Variants in SSC5D observed in about 807,000 individuals in gnomAD.
SSC5D encodes the protein soluble scavenger receptor cysteine-rich domain-containing protein SSC5D.
Under a neutral mutation model 104.6 loss-of-function variants are expected in SSC5D, and 106 were observed. That is an observed-to-expected ratio of 1.01 (90% CI 0.87 to 1.19). SSC5D has a LOEUF of 1.19. SSC5D is among the 50% of genes most tolerant of loss of function. The pLI, the probability that SSC5D is intolerant of heterozygous loss-of-function variation, is 0.00. For missense variants in SSC5D, 1,993 were observed against 2,153.8 expected, an observed-to-expected ratio of 0.93 and a Z score of 1.48; for synonymous variants, 860 against 883.5, an observed-to-expected ratio of 0.97 and a Z score of 0.47.
chr19:55,493,659 G>T lies in SSC5D; in HGVS notation c.960G>T (p.Trp320Cys). 2.0e-6 allele frequency: 3 copies of T among 1,506,084 alleles called. No individual in the cohort carries two copies. The highest frequency in any genetic ancestry group is 2.6e-6 in the Non-Finnish European group (3 of 1,134,726). 93.3% of individuals were successfully genotyped at this position (1,506,084 alleles called of 1,614,324 possible). Residue 320 changes from tryptophan to cysteine, a missense_variant, in exon 7 of 14, where the codon TGG becomes TGT. Coordinates refer to ENST00000389623, the MANE Select transcript of SSC5D (RefSeq NM_001144950.2). The part of the protein sequence containing the change: ...PHGCAGRLEV[W>C]HGGRWGSVCD... ...GGTGCGCCGGCCGCCTGGAGGTCTG[G>T]CACGGGGGTCGCTGGGGGTCGGTGT...
At chr19:55,495,232 T>TATATATATATATATATATA (rs1568476922) in intron 8 of SSC5D, among the ~76,000 whole-genome samples, 3 of 41,072 alleles carry the variant, frequency 7.3e-5, no homozygotes, top group East Asian at 6.9e-4. Flanking sequence ...TATATATATA[T>TATATATATATATATATATA]ATTTTTTTTT....
Position 55,488,505 on chromosome 19 carries a change from C to G in SSC5D, c.-85C>G. ...GGGCGCCTCCAGCAGGCACTTCCCT[C>G]CCTCCCTCTCTCCCCAGCTGCCTCC... On this transcript the variant is annotated 5_prime_UTR_variant, in exon 1 of 14. Transcript: ENST00000389623. 35 of 1,195,222 alleles carry G rather than the reference C, an allele frequency of 2.9e-5. No individual in the cohort carries two copies. The highest frequency in any genetic ancestry group is 3.7e-5 in the Non-Finnish European group (31 of 827,462). 74.0% of individuals were successfully genotyped at this position (1,195,222 alleles called of 1,614,324 possible).
At chr19:55,513,206 C>T (rs1179413437) in intron 13 of SSC5D, 34 bp downstream of exon 13, 7 of 1,456,912 alleles carry the variant, frequency 4.8e-6, no homozygotes, top group South Asian at 1.5e-5. Context: ...GAGACTGGGA[C>T]GGTATTTGTC....
chr19:55,493,968 G>T, intron 7 of SSC5D, 56 bp downstream of exon 7: 1 of 516,016 alleles, frequency 1.9e-6, no homozygotes, highest in East Asian at 9.2e-5. Context: ...TTGGAGCGGA[G>T]GGGCAAGTTC....
At position 55,493,704 on chromosome 19, in the gene SSC5D, G is replaced by A. The variant is rs1469363099; in HGVS notation, c.1005G>A (p.Leu335=). The A allele has an allele frequency of 2.0e-6, 3 of 1,513,560 alleles. No individual in the cohort carries two copies. The highest frequency in any genetic ancestry group is 2.5e-5 in the East Asian group (1 of 39,554). 93.8% of individuals were successfully genotyped at this position (1,513,560 alleles called of 1,614,324 possible). The change falls in exon 7 of 14, where the codon CTG becomes CTA. Residue 335 remains leucine, a synonymous_variant. Coordinates refer to ENST00000389623, the MANE Select transcript of SSC5D (RefSeq NM_001144950.2). ...WGSVCDDAWD[L]RDAAVACREL... ...CGGTGTGTGACGACGCCTGGGACCT[G>A]CGAGACGCCGCTGTGGCCTGCCGAG...
rs1987944034 is a variant in SSC5D, at chr19:55,518,430, C to A, written c.4154C>A (p.Pro1385His). 1 of 1,551,368 alleles carries A rather than the reference C, an allele frequency of 6.4e-7. No individual in the cohort carries two copies. Among genetic ancestry groups the A allele is most frequent in the East Asian group, 2.4e-5 (1 of 40,882 alleles). Reference sequence around the variant, plus strand: ...ACATCCCAGATACCCACCTTAGAGCCCTCTCCAGCCTTGGAGTCCAGCCCC... The same window carrying A: ...ACATCCCAGATACCCACCTTAGAGCACTCTCCAGCCTTGGAGTCCAGCCCC... Reference protein sequence around the residue: ...TSTSQIPTLEPSPALESSPSR... With the variant: ...TSTSQIPTLEHSPALESSPSR... Residue 1385 changes from proline (P) to histidine (H), a missense_variant, in exon 14 of 14, where the codon CCC (proline) becomes CAC (histidine). Transcript: ENST00000389623.
At chr19:55,501,253 G>A (rs1037291314) in intron 12 of SSC5D, 52 bp downstream of exon 12, 7 of 1,462,132 alleles carry the variant, frequency 4.8e-6, no homozygotes, top group African/African-American at 4.3e-5. Context: ...ACCTCCATTC[G>A]CTTCCCTGCA....
intron 6 of SSC5D, 58 bp downstream of exon 6, chr19:55,491,138 G>A (rs1439844018): frequency 1.3e-6 from 2 of 1,496,674 alleles, no homozygotes; most frequent in Non-Finnish European, 1.8e-6. Context: ...GCTCCCTCTT[G>A]CCCCTCCAGG....
At chr19:55,505,100 C>A (rs567867167) in intron 12 of SSC5D, among the ~76,000 whole-genome samples, 2 of 151,712 alleles carry the variant, frequency 1.3e-5, no homozygotes, top group African/African-American at 4.9e-5. Context: ...GGTTCCAACC[C>A]GGATTAGAAC....
chr19:55,489,058 G>GGGGGGGGGCC, intron 2 of SSC5D, 26 bp downstream of exon 2: 1 of 1,203,772 alleles, frequency 8.3e-7, no homozygotes, highest in Non-Finnish European at 1.1e-6. Flanking sequence ...CCTCCCATCT[G>GGGGGGGGGCC]CCCGCCCCCC....
rs1987109798 is a variant in SSC5D, at chr19:55,490,513, G to A, written c.586+105G>A. The A allele has an allele frequency of 4.9e-6, 3 of 613,100 alleles. No homozygotes were observed. In the Admixed American group the frequency reaches 9.8e-5, roughly 20 times the overall value. 38.0% of individuals were successfully genotyped at this position (613,100 alleles called of 1,614,324 possible). A position where few individuals can be genotyped will look rare whatever the true frequency, so the allele number is the denominator to read the frequency against. ...GCGCCCTCTCCTTAGCCGGGGCCCT[G>A]GAGGGATCCCAGTGTTCCCCGCGTC... On this transcript the variant is annotated intron_variant, in intron 5 of 13. Coordinates refer to ENST00000389623, the MANE Select transcript of SSC5D (RefSeq NM_001144950.2).
At position 55,495,233 on chromosome 19, in the gene SSC5D, A is replaced by T. The variant is rs867603980; in HGVS notation, c.1387+450A>T. Among the ~76,000 whole-genome samples, 67 of 50,662 alleles carry T rather than the reference A, an allele frequency of 1.3e-3. 2 individuals carry two copies. The highest frequency in any genetic ancestry group is 3.8e-3 in the East Asian group (4 of 1,056). The allele number at this position is 50,662 out of a possible 152,430, so 33.2% of individuals were successfully genotyped here. A position where few individuals can be genotyped will look rare whatever the true frequency, so the allele number is the denominator to read the frequency against. On this transcript the variant is annotated intron_variant, in intron 8 of 13. Coordinates refer to ENST00000389623, the MANE Select transcript of SSC5D (RefSeq NM_001144950.2). The stretch of plus-strand genomic sequence containing the variant: ...CCTCCTTTCATATATATATATATAT[A>T]TTTTTTTTTTTTTTTTTTTTTTTTT...
At chr19:55,507,399 G>T (rs1987658893) in intron 12 of SSC5D, among the ~76,000 whole-genome samples, 1 of 149,196 alleles carries the variant, frequency 6.7e-6, no homozygotes, top group Non-Finnish European at 1.5e-5. Flanking sequence ...CGGGCGCGGT[G>T]CCTCACTCTA....
chr19:55,512,583 G>A (rs1358690473), intron 12 of SSC5D, among the ~76,000 whole-genome samples: 1 of 151,752 alleles, frequency 6.6e-6, no homozygotes, highest in African/African-American at 2.4e-5. Context: ...CCAGGTTCAA[G>A]TGATTCTCCT....
intron 12 of SSC5D, among the ~76,000 whole-genome samples, chr19:55,510,627 G>A (rs1021088651): frequency 5.9e-5 from 9 of 152,196 alleles, no homozygotes; most frequent in Admixed American, 3.9e-4. Flanking sequence ...GATTACAGGC[G>A]TGAGCCACCA....
rs1987058871 is a variant in SSC5D, at chr19:55,489,360, T to C, written c.59T>C (p.Leu20Pro). ...ALVGIQAVERLRLADGPHGCA... is the reference protein window; with the variant it reads ...ALVGIQAVERPRLADGPHGCA... ...CCATTCCTCCAACCCTCAGAGCGCC[T>C]GCGCCTGGCCGATGGCCCCCATGGG... is the stretch of plus-strand genomic sequence containing the variant. The change falls in exon 3 of 14, where the codon CTG becomes CCG. Residue 20 changes from leucine (L) to proline (P), a missense_variant. By Grantham distance (98) the Leu-to-Pro change is moderately conservative. This residue lies in a region of SSC5D where 1,101 missense variants were observed against 1,085.0 expected (regional missense o/e 1.01). Coordinates refer to ENST00000389623, the MANE Select transcript of SSC5D (RefSeq NM_001144950.2). 2.8e-6 allele frequency: 4 copies of C among 1,453,946 alleles called. No homozygotes were observed. The highest frequency in any genetic ancestry group is 1.5e-5 in the African/African-American group (1 of 67,072). 90.1% of individuals were successfully genotyped at this position (1,453,946 alleles called of 1,614,324 possible). A position where few individuals can be genotyped will look rare whatever the true frequency, so the allele number is the denominator to read the frequency against.
chr19:55,509,850 C>CAAAAAAA (rs1250937223), intron 12 of SSC5D, among the ~76,000 whole-genome samples: 1 of 75,988 alleles, frequency 1.3e-5, no homozygotes, highest in Non-Finnish European at 2.7e-5. Context: ...AACTCTGTCT[C>CAAAAAAA]AAAAAAAAAA....
At chr19:55,508,191 G>A (rs1395821476) in intron 12 of SSC5D, among the ~76,000 whole-genome samples, 2 of 152,152 alleles carry the variant, frequency 1.3e-5, no homozygotes, top group African/African-American at 4.8e-5. Context: ...GGGAGTGGAT[G>A]TGACTGCACA....
At chr19:55,501,239 A>G (rs1987496409) in intron 12 of SSC5D, 38 bp downstream of exon 12, 3 of 1,471,964 alleles carry the variant, frequency 2.0e-6, no homozygotes, top group South Asian at 2.9e-5. Flanking sequence ...GAGGGCCTCC[A>G]TAAACCTCCA....
Sources: allele counts gnomAD v4.1 joint callset (sites outside exome capture counted in the v4.1 genomes callset), GRCh38; gene constraint gnomAD v4.1.1; regional missense constraint gnomAD v4.1.1; transcripts MANE v1.5; gene names NCBI Gene and HGNC (gene_info 2026-07-23, HGNC 2026-07-21).